RPS6KC1: variants seen among roughly 807,000 people sequenced by gnomAD.
The protein encoded by RPS6KC1 is ribosomal protein S6 kinase C1, also known as inactive ribosomal protein S6 kinase delta-1.
RPS6KC1 carries 54 observed loss-of-function variants against 103.8 expected under a neutral mutation model. The observed-to-expected ratio is 0.52, with a 90% CI of 0.42 to 0.65. The LOEUF (loss-of-function observed/expected upper bound fraction) is 0.65, where lower values mean the gene tolerates loss of function less well. Among genes scored for constraint, RPS6KC1 ranks in the 30% least tolerant of loss-of-function variants. RPS6KC1 has a pLI of 0.00. For missense variants in RPS6KC1, 1,151 were observed against 1,253.8 expected, an observed-to-expected ratio of 0.92 and a Z score of 1.24; for synonymous variants, 439 against 438.7, an observed-to-expected ratio of 1.00 and a Z score of -0.01.
chr1:213,321,799 C>T, the RPS6KC1 span, among the ~76,000 whole-genome samples: 2 of 152,074 alleles, frequency 1.3e-5, no homozygotes, highest in South Asian at 4.2e-4. Flanking sequence ...AAATGGGACA[C>T]TTAAGGAAAG....
At chr1:213,498,907 G>T in the RPS6KC1 span, among the ~76,000 whole-genome samples, 2 of 151,508 alleles carry the variant, frequency 1.3e-5, no homozygotes, top group African/African-American at 4.9e-5. Flanking sequence ...AGCCTCCCAA[G>T]TAGCTGGGAT....
At chr1:213,604,873 G>C in the RPS6KC1 span, among the ~76,000 whole-genome samples, 2 of 152,212 alleles carry the variant, frequency 1.3e-5, no homozygotes, top group South Asian at 4.1e-4. Flanking sequence ...GTGTGAGTCA[G>C]TGGGTGAGGG....
the RPS6KC1 span, among the ~76,000 whole-genome samples, chr1:213,798,163 A>C: frequency 6.6e-6 from 1 of 152,158 alleles, no homozygotes; most frequent in Non-Finnish European, 1.5e-5. Flanking sequence ...GGCCCCAAAG[A>C]AAGCAAATAA....
At position 213,051,509 on chromosome 1, in the gene RPS6KC1, G is replaced by T; in HGVS notation, c.105G>T (p.Arg35=). 2 of 1,602,570 alleles carry T rather than the reference G, an allele frequency of 1.2e-6. No homozygotes were observed. Among genetic ancestry groups the T allele is most frequent in the South Asian group, 1.1e-5 (1 of 90,052 alleles). The part of the protein sequence containing the change: ...RGYTVYKVTA[R]VVSRRNPEDV... ...ACACAGTATATAAGGTCACCGCCCGGGTGAGTGCCGGTGTCGGGCTGGGGT... is the reference window on the plus strand; with the variant it reads ...ACACAGTATATAAGGTCACCGCCCGTGTGAGTGCCGGTGTCGGGCTGGGGT... The change falls in exon 1 of 15, where the codon CGG becomes CGT. Residue 35 remains arginine (R), a splice_region_variant and synonymous_variant. Coordinates refer to ENST00000366960, the MANE Select transcript of RPS6KC1 (RefSeq NM_012424.6).
chr1:213,230,607 G>C (rs2094072640), intron 9 of RPS6KC1, 63 bp downstream of exon 9: 2 of 1,269,810 alleles, frequency 1.6e-6, no homozygotes. Flanking sequence ...GACTGAGATA[G>C]GCAGGTCACC....
chr1:213,354,984 G>A, the RPS6KC1 span, among the ~76,000 whole-genome samples: 2 of 152,170 alleles, frequency 1.3e-5, no homozygotes, highest in Admixed American at 1.3e-4. Flanking sequence ...TTGGGAGGCC[G>A]AGGTGGGCGG....
In RPS6KC1 at chr1:213,117,309, C is replaced by T. The variant is rs1298279726; in HGVS notation, c.379-8C>T. ...GCTAATGAAACACAATTGCTCTTAT[C>T]TCTTTAGGGTGGAATAATTAATGAT... On this transcript the variant is annotated splice_region_variant and splice_polypyrimidine_tract_variant and intron_variant, in intron 4 of 14. Transcript: ENST00000366960. 1 of 1,537,630 alleles carries T rather than the reference C, an allele frequency of 6.5e-7. No individual in the cohort carries two copies. The highest frequency in any genetic ancestry group is 1.2e-5 in the South Asian group (1 of 85,886).
chr1:213,069,310 C>T (rs2148447570), intron 1 of RPS6KC1, among the ~76,000 whole-genome samples: 1 of 152,188 alleles, frequency 6.6e-6, no homozygotes, highest in South Asian at 2.1e-4. Context: ...GAATAGAGTG[C>T]AAGATATTTG....
chr1:213,470,876 C>T, the RPS6KC1 span, among the ~76,000 whole-genome samples: 1 of 152,078 alleles, frequency 6.6e-6, no homozygotes, highest in Non-Finnish European at 1.5e-5. Context: ...CCTCCTCCTT[C>T]AGCCTCCCAA....
At chr1:213,617,394 C>G in the RPS6KC1 span, among the ~76,000 whole-genome samples, 1 of 152,092 alleles carries the variant, frequency 6.6e-6, no homozygotes, top group Non-Finnish European at 1.5e-5. Flanking sequence ...GAGGCATTGA[C>G]CTGGTTGTGG....
chr1:213,100,867 A>G (rs774009789), intron 3 of RPS6KC1, among the ~76,000 whole-genome samples: 47 of 151,706 alleles, frequency 3.1e-4, no homozygotes, highest in Non-Finnish European at 4.7e-4. Flanking sequence ...CCATGTCTTT[A>G]CTATCGTGAA....
At chr1:213,496,600 A>T in the RPS6KC1 span, among the ~76,000 whole-genome samples, 3 of 152,166 alleles carry the variant, frequency 2.0e-5, no homozygotes, top group Admixed American at 6.5e-5. Flanking sequence ...TCTACTAAAA[A>T]TACAAAAATT....
chr1:213,672,144 C>G, the RPS6KC1 span, among the ~76,000 whole-genome samples: 9 of 152,104 alleles, frequency 5.9e-5, no homozygotes, highest in Admixed American at 5.9e-4. Flanking sequence ...AAAACCTTGT[C>G]CCACTGGTTG....
the RPS6KC1 span, among the ~76,000 whole-genome samples, chr1:213,716,065 G>T: frequency 6.6e-6 from 1 of 152,142 alleles, no homozygotes; most frequent in Non-Finnish European, 1.5e-5. Context: ...GCAAGTTTGG[G>T]AAATGCTTAT....
At chr1:213,722,977 G>A in the RPS6KC1 span, among the ~76,000 whole-genome samples, 1 of 152,232 alleles carries the variant, frequency 6.6e-6, no homozygotes, top group African/African-American at 2.4e-5. Context: ...TCAGGAGTTC[G>A]AGATCAGCCT....
intron 8 of RPS6KC1, among the ~76,000 whole-genome samples, chr1:213,221,268 G>A (rs182369702): frequency 3.3e-5 from 5 of 150,916 alleles, no homozygotes; most frequent in African/African-American, 9.7e-5. Flanking sequence ...TTGTCTTTTT[G>A]TTCAGCCATT....
chr1:213,065,456 CTTATTTTTCA>C (rs2078246096), intron 1 of RPS6KC1, among the ~76,000 whole-genome samples: 1 of 152,160 alleles, frequency 6.6e-6, no homozygotes, highest in African/African-American at 2.4e-5. Context: ...GATTGATACT[CTTATTTTTCA>C]TTAACTTTTC....
intron 6 of RPS6KC1, among the ~76,000 whole-genome samples, chr1:213,136,677 A>G (rs2086302444): frequency 1.3e-5 from 2 of 152,124 alleles, no homozygotes; most frequent in Admixed American, 1.3e-4. Flanking sequence ...TATTATATAT[A>G]CAGAAAAGTA....
At chr1:213,202,754 G>A (rs1368747147) in intron 8 of RPS6KC1, among the ~76,000 whole-genome samples, 3 of 152,152 alleles carry the variant, frequency 2.0e-5, no homozygotes, top group African/African-American at 7.2e-5. Context: ...CCATCATTGT[G>A]TGTTTTATAA....
Sources: gnomAD v4.1 joint callset for allele counts (sites outside exome capture counted in the v4.1 genomes callset) on GRCh38, gnomAD v4.1.1 for gene constraint, MANE v1.5 for transcripts, NCBI Gene and HGNC (gene_info 2026-07-23, HGNC 2026-07-21) for gene names.